The following ERO1A variants were observed in gnomAD, a reference collection of about 807,000 sequenced individuals.
ERO1A encodes the protein endoplasmic reticulum oxidoreductase 1 alpha.
ERO1A carries 49 observed loss-of-function variants against 76.9 expected under a neutral mutation model. The ratio of observed to expected loss-of-function variants is 0.64; its 90% CI spans 0.51 to 0.81. The LOEUF is 0.81. Among genes scored for constraint, ERO1A ranks in the 30% least tolerant of loss-of-function variants. The probability of loss-of-function intolerance (pLI) is 0.00; values close to 1 mark genes in which losing one functional copy is unlikely to be tolerated. For missense variants in ERO1A, 448 were observed against 542.1 expected (o/e 0.83, Z 1.72); for synonymous variants, 174 against 181.2 (o/e 0.96, Z 0.32).
chr14:52,663,263 C>A (rs1275038220), intron 8 of ERO1A, among the ~76,000 whole-genome samples: 1 of 152,010 alleles, frequency 6.6e-6, no homozygotes, highest in Admixed American at 6.6e-5. Context: ...ATATCCTAAT[C>A]TTTATTTTTT....
At chr14:52,692,911 C>T (rs1487395954) in intron 1 of ERO1A, among the ~76,000 whole-genome samples, 1 of 151,748 alleles carries the variant, frequency 6.6e-6, no homozygotes, top group Non-Finnish European at 1.5e-5. Flanking sequence ...ACCTCTCCTC[C>T]CTTCTCCCCC....
At position 52,653,058 on chromosome 14, in the gene ERO1A, A is replaced by T; in HGVS notation, c.1055+11T>A. On this transcript the variant is annotated intron_variant, in intron 12 of 15. Coordinates refer to ENST00000395686, the MANE Select transcript of ERO1A (RefSeq NM_014584.3). ...CTTCTATTAATGTATAAAGTTTAAT[A>T]TATAATTTACTTGATTTCATGAAGT... 1 of 1,482,232 alleles carries T rather than the reference A, an allele frequency of 6.7e-7. No individual in the cohort carries two copies. The highest frequency in any genetic ancestry group is 9.4e-7 in the Non-Finnish European group (1 of 1,068,792). 91.8% of individuals were successfully genotyped at this position (1,482,232 alleles called of 1,614,324 possible).
intron 1 of ERO1A, among the ~76,000 whole-genome samples, chr14:52,690,315 C>T (rs2041312981): frequency 6.6e-6 from 1 of 151,972 alleles, no homozygotes; most frequent in African/African-American, 2.4e-5. Flanking sequence ...AAGAAACAAG[C>T]AACAAAATGA....
chr14:52,691,278 T>C (rs1356401671), intron 1 of ERO1A, among the ~76,000 whole-genome samples: 1 of 152,194 alleles, frequency 6.6e-6, no homozygotes, highest in African/African-American at 2.4e-5. Flanking sequence ...ATACCAAAGA[T>C]TCCACACCAG....
chr14:52,683,330 T>C (rs1434972652), intron 2 of ERO1A, among the ~76,000 whole-genome samples: 1 of 152,138 alleles, frequency 6.6e-6, no homozygotes, highest in South Asian at 2.1e-4. Flanking sequence ...GGATAGACAA[T>C]TGTAAACTGA....
At chr14:52,664,677 T>C (rs1490245952) in intron 7 of ERO1A, among the ~76,000 whole-genome samples, 1 of 152,170 alleles carries the variant, frequency 6.6e-6, no homozygotes, top group Admixed American at 6.5e-5. Flanking sequence ...TCTTTTATTA[T>C]TTTTCTTTGA....
chr14:52,675,012 C>A (rs913360457), intron 4 of ERO1A, among the ~76,000 whole-genome samples: 12 of 151,984 alleles, frequency 7.9e-5, no homozygotes, highest in African/African-American at 2.9e-4. Flanking sequence ...GAAATGCATC[C>A]GAAAAATAAG....
At chr14:52,672,330 C>T (rs1046187762) in intron 4 of ERO1A, 1 of 152,198 alleles carries the variant, frequency 6.6e-6, no homozygotes, top group Admixed American at 6.6e-5. Context: ...AACATTCTCT[C>T]TTTAGGTAAA....
intron 4 of ERO1A, among the ~76,000 whole-genome samples, chr14:52,673,213 C>T (rs1013091804): frequency 1.3e-5 from 2 of 152,098 alleles, no homozygotes; most frequent in Non-Finnish European, 2.9e-5. Context: ...TCTCAGTCTC[C>T]TGAGTAGCTA....
Position 52,652,304 on chromosome 14 carries a change from A to G in ERO1A, c.1060T>C (p.Phe354Leu), listed in dbSNP as rs1481452889. 1.9e-6 allele frequency: 3 copies of G among 1,607,546 alleles called. 1 individual carries two copies. In the Admixed American group the frequency reaches 5.0e-5, roughly 27 times the overall value. The change falls in exon 13 of 16, where the codon TTT (phenylalanine) becomes CTT (leucine). Residue 354 changes from phenylalanine (F) to leucine (L), a missense_variant. Physicochemically the swap from Phe to Leu is conservative, Grantham distance 22. Transcript: ENST00000395686. ...LLEILHEIKS[F>L]PLHFDENSFF... ...GAATTCTCATCAAAATGCAAAGGAA[A>G]TGACCTGCGTTTTAAAACAGAGAAT...
intron 1 of ERO1A, among the ~76,000 whole-genome samples, chr14:52,693,948 T>G (rs2041448643): frequency 6.6e-6 from 1 of 152,174 alleles, no homozygotes; most frequent in African/African-American, 2.4e-5. Context: ...TAATCACTAG[T>G]TAGAAGAAAA....
At chr14:52,657,850 G>A in intron 11 of ERO1A, 67 bp downstream of exon 11, 1 of 1,123,078 alleles carries the variant, frequency 8.9e-7, no homozygotes, top group Non-Finnish European at 1.3e-6. Context: ...TCAGGTAAAT[G>A]CCAGGAAAAT....
At chr14:52,668,455 G>C (rs1186470988) in intron 6 of ERO1A, among the ~76,000 whole-genome samples, 1 of 151,944 alleles carries the variant, frequency 6.6e-6, no homozygotes, top group Non-Finnish European at 1.5e-5. Flanking sequence ...TGAGGCAGGA[G>C]AATCGCTTGA....
rs1184277394 is a variant in ERO1A at position 52,643,348 on chromosome 14, TACC to T, written c.*219_*221del. 5.3e-5 allele frequency: 18 copies of T among 342,374 alleles called. No homozygotes were observed. The highest frequency in any genetic ancestry group is 1.8e-4 in the East Asian group (4 of 22,014). 21.2% of individuals were successfully genotyped at this position (342,374 alleles called of 1,614,324 possible). ...ATTCAATATTAAACTTTAAAATTTG[TACC>T]ACATTATTAAAGTATTACTTTTACT... On this transcript the variant is annotated 3_prime_UTR_variant, in exon 16 of 16. Transcript: ENST00000395686.
chr14:52,674,207 TA>T (rs2040703771), intron 4 of ERO1A, among the ~76,000 whole-genome samples: 1 of 152,208 alleles, frequency 6.6e-6, no homozygotes, highest in Non-Finnish European at 1.5e-5. Flanking sequence ...TTAAATGAAA[TA>T]AATCGAACAA....
intron 6 of ERO1A, among the ~76,000 whole-genome samples, chr14:52,667,868 T>C (rs1466817588): frequency 2.0e-5 from 3 of 151,780 alleles, no homozygotes; most frequent in African/African-American, 7.3e-5. Context: ...CCAAAGTCAA[T>C]AACAAAAATA....
intron 11 of ERO1A, among the ~76,000 whole-genome samples, chr14:52,655,979 T>C (rs559255785): frequency 6.6e-5 from 10 of 152,336 alleles, no homozygotes; most frequent in African/African-American, 2.2e-4. Flanking sequence ...TTACGCCACA[T>C]AGTTAACATT....
intron 1 of ERO1A, among the ~76,000 whole-genome samples, chr14:52,689,776 A>G (rs1423623117): frequency 2.0e-5 from 3 of 151,968 alleles, no homozygotes; most frequent in South Asian, 2.1e-4. Context: ...ACAAAAATAG[A>G]AAAAAAAATT....
rs749648627 is a variant in ERO1A, at chr14:52,682,353, C to A, written c.290G>T (p.Arg97Met). Residue 97 changes from arginine (R) to methionine (M), a missense_variant, in exon 3 of 16, where the codon AGG becomes ATG. Physicochemically the swap from Arg to Met is moderately conservative, Grantham distance 91. This residue lies in a region of ERO1A where 146 missense variants were observed against 130.2 expected (regional missense o/e 1.12). Coordinates refer to ENST00000395686, the MANE Select transcript of ERO1A (RefSeq NM_014584.3). ...TTGACATGGTTTGACAGCACAGTCC[C>A]TTCTTCCACACTGGCTGATGTCATT... is the stretch of plus-strand genomic sequence containing the variant. ...FWNDISQCGR[R>M]DCAVKPCQSD... The A allele has an allele frequency of 8.1e-6, 13 of 1,611,926 alleles. No homozygotes were observed. Among genetic ancestry groups the A allele is most frequent in the Non-Finnish European group, 1.1e-5 (13 of 1,178,808 alleles).
Sources: gnomAD v4.1 joint callset for allele counts (sites outside exome capture counted in the v4.1 genomes callset) on GRCh38, gnomAD v4.1.1 for gene constraint, gnomAD v4.1.1 regional missense constraint, MANE v1.5 for transcripts, NCBI Gene and HGNC (gene_info 2026-07-23, HGNC 2026-07-21) for gene names.